Variants in PIAS2 observed in about 807,000 individuals in gnomAD.
PIAS2 encodes protein inhibitor of activated STAT 2.
PIAS2 carries 19 observed loss-of-function variants against 69.7 expected under a neutral mutation model. That is an observed-to-expected ratio of 0.27 (90% CI 0.19 to 0.40). PIAS2 has a LOEUF of 0.40. PIAS2 is among the 10% of genes least tolerant of loss of function. PIAS2 has a pLI of 1.00. For missense variants in PIAS2, 624 were observed against 757.0 expected, an observed-to-expected ratio of 0.82 and a Z score of 2.06; for synonymous variants, 261 against 263.2, an observed-to-expected ratio of 0.99 and a Z score of 0.08.
Position 46,807,138 on chromosome 18 carries a change from G to A in PIAS2, c.*5295C>T, listed in dbSNP as rs372673932. 4 of 151,592 alleles carry A rather than the reference G, an allele frequency of 2.6e-5. No homozygotes were observed. The South Asian group carries it at 8.3e-4, about 32-fold the overall frequency. The allele number at this position is 151,592 out of a possible 1,614,324, so 9.4% of individuals were successfully genotyped here. A position where few individuals can be genotyped will look rare whatever the true frequency, so the allele number is the denominator to read the frequency against. ...CTACTGGCTTTGGGGAGCTCAGAAA[G>A]GCCATAATGGGGCCTACAGGAAGAG... On this transcript the variant is annotated 3_prime_UTR_variant, in exon 14 of 14. Transcript: ENST00000585916.
intron 2 of PIAS2, among the ~76,000 whole-genome samples, chr18:46,883,303 T>A (rs1319186924): frequency 6.6e-6 from 1 of 152,162 alleles, no homozygotes; most frequent in Non-Finnish European, 1.5e-5. Flanking sequence ...CAAAGGTTCA[T>A]AAAACTTTGA....
In PIAS2 at chr18:46,864,036, A is replaced by G. The variant is rs2049052802; in HGVS notation, c.584+128T>C. 3 of 546,330 alleles carry G rather than the reference A, an allele frequency of 5.5e-6. No homozygotes were observed. In the South Asian group the frequency reaches 9.0e-5, roughly 16 times the overall value. The allele number at this position is 546,330 out of a possible 1,614,324, so 33.8% of individuals were successfully genotyped here. A position where few individuals can be genotyped will look rare whatever the true frequency, so the allele number is the denominator to read the frequency against. The stretch of plus-strand genomic sequence containing the variant: ...TGCCAAAACCTTGATCTTGGACAGA[A>G]GCCTCCAGCATTTTGAAAAACAAAA... On this transcript the variant is annotated intron_variant, in intron 3 of 13. Coordinates refer to ENST00000585916, the MANE Select transcript of PIAS2 (RefSeq NM_004671.5).
chr18:46,904,112 G>C (rs2056263825), intron 1 of PIAS2: 1 of 152,092 alleles, frequency 6.6e-6, no homozygotes, highest in African/African-American at 2.4e-5. Flanking sequence ...TTTGGAGAGA[G>C]GGATCCTTGT....
chr18:46,842,178 T>G (rs2045496453), intron 8 of PIAS2, among the ~76,000 whole-genome samples: 1 of 151,252 alleles, frequency 6.6e-6, no homozygotes, highest in Non-Finnish European at 1.5e-5. Context: ...GTGAGCTGTG[T>G]TCATGCTACT....
At chr18:46,918,781 C>G (rs1369580244), upstream of PIAS2, among the ~76,000 whole-genome samples, 1 of 152,100 alleles carries the variant, frequency 6.6e-6, no homozygotes, top group African/African-American at 2.4e-5. Context: ...ATTTCCCACT[C>G]TCTTCTTTGT....
intron 2 of PIAS2, among the ~76,000 whole-genome samples, chr18:46,888,493 A>G (rs2053553676): frequency 1.3e-5 from 2 of 152,220 alleles, no homozygotes; most frequent in African/African-American, 4.8e-5. Context: ...ATTCCAAGAC[A>G]TATTACATAG....
intron 9 of PIAS2, among the ~76,000 whole-genome samples, chr18:46,833,652 GA>G (rs2044004485): frequency 6.6e-6 from 1 of 152,184 alleles, no homozygotes; most frequent in Non-Finnish European, 1.5e-5. Flanking sequence ...GAACATGGCA[GA>G]ATGTATTATG....
intron 9 of PIAS2, among the ~76,000 whole-genome samples, chr18:46,830,605 A>G (rs1213392580): frequency 6.6e-6 from 1 of 152,100 alleles, no homozygotes; most frequent in Non-Finnish European, 1.5e-5. Context: ...GAAAAGAGAA[A>G]TAACAAAGAA....
intron 11 of PIAS2, among the ~76,000 whole-genome samples, chr18:46,822,997 G>A (rs2042343851): frequency 6.6e-6 from 1 of 151,762 alleles, no homozygotes; most frequent in Non-Finnish European, 1.5e-5. Context: ...CAGGTCTTTG[G>A]GAGGCCAAGG....
intron 5 of PIAS2, among the ~76,000 whole-genome samples, chr18:46,850,256 G>A (rs1298177448): frequency 1.3e-5 from 2 of 152,050 alleles, no homozygotes; most frequent in Non-Finnish European, 2.9e-5. Context: ...TTCTCCAGAT[G>A]TAGTTTAGTA....
At chr18:46,827,731 T>C (rs887151804) in intron 11 of PIAS2, 34 of 410,936 alleles carry the variant, frequency 8.3e-5, no homozygotes, top group Middle Eastern at 6.6e-4. Context: ...AAGTCTCAGG[T>C]AGGAAATAAA....
upstream of PIAS2, chr18:46,917,605 C>G (rs2058139080): frequency 2.0e-6 from 2 of 1,005,208 alleles, no homozygotes; most frequent in Admixed American, 5.7e-5. Flanking sequence ...CGCCTTCAGT[C>G]CGCGCGGCGA....
At chr18:46,888,003 G>T (rs935527575) in intron 2 of PIAS2, among the ~76,000 whole-genome samples, 6 of 152,068 alleles carry the variant, frequency 3.9e-5, no homozygotes, top group Non-Finnish European at 8.8e-5. Flanking sequence ...TAGAATAAAT[G>T]AATTCAGTAA....
intron 8 of PIAS2, among the ~76,000 whole-genome samples, chr18:46,838,576 G>A (rs2044805765): frequency 6.6e-6 from 1 of 152,192 alleles, no homozygotes; most frequent in Admixed American, 6.5e-5. Context: ...AAAAAGGTCA[G>A]AATAAAACCT....
chr18:46,891,122 T>C lies in PIAS2; in HGVS notation c.25-68A>G, dbSNP rs146543313. 4 of 1,130,548 alleles carry C rather than the reference T, an allele frequency of 3.5e-6. No homozygotes were observed. In the African/African-American group the frequency reaches 4.7e-5, roughly 13 times the overall value. The allele number at this position is 1,130,548 out of a possible 1,614,324, so 70.0% of individuals were successfully genotyped here. A position where few individuals can be genotyped will look rare whatever the true frequency, so the allele number is the denominator to read the frequency against. ...GCATACAAAAATCCTATCTAAAATATAATGTAAAATGTGATTTTTCCAGCA... is the reference window on the plus strand; with the variant it reads ...GCATACAAAAATCCTATCTAAAATACAATGTAAAATGTGATTTTTCCAGCA... On this transcript the variant is annotated intron_variant, in intron 1 of 13. Coordinates refer to ENST00000585916, the MANE Select transcript of PIAS2 (RefSeq NM_004671.5).
rs993446551 is a variant in PIAS2 at position 46,811,687 on chromosome 18, C to T, written c.*746G>A. 7.2e-5 allele frequency: 11 copies of T among 152,142 alleles called. No homozygotes were observed. Among genetic ancestry groups the T allele is most frequent in the African/African-American group, 2.7e-4 (11 of 41,436 alleles). The allele number at this position is 152,142 out of a possible 1,614,324, so 9.4% of individuals were successfully genotyped here. ...TACAATTACTAAAAACATAATAACA[C>T]ACTTTATGTCAGGGCAGAATCTGCA... On this transcript the variant is annotated 3_prime_UTR_variant, in exon 14 of 14. Coordinates refer to ENST00000585916, the MANE Select transcript of PIAS2 (RefSeq NM_004671.5).
intron 2 of PIAS2, among the ~76,000 whole-genome samples, chr18:46,865,286 T>A (rs1413745871): frequency 6.6e-6 from 1 of 152,114 alleles, no homozygotes; most frequent in Non-Finnish European, 1.5e-5. Context: ...ACACGTGTAA[T>A]CCCAGCACTC....
intron 1 of PIAS2, among the ~76,000 whole-genome samples, chr18:46,899,116 C>T (rs963827236): frequency 3.3e-5 from 5 of 151,270 alleles, no homozygotes; most frequent in African/African-American, 9.7e-5. Context: ...AAAATTCCAA[C>T]GACTGGTTAA....
intron 1 of PIAS2, among the ~76,000 whole-genome samples, chr18:46,911,463 G>A (rs2057261802): frequency 6.6e-6 from 1 of 151,996 alleles, no homozygotes; most frequent in African/African-American, 2.4e-5. Context: ...CGATCCGCCT[G>A]CCTGGGCCTC....
Sources: gnomAD v4.1 joint callset for allele counts (sites outside exome capture counted in the v4.1 genomes callset) on GRCh38, gnomAD v4.1.1 for gene constraint, MANE v1.5 for transcripts, NCBI Gene and HGNC (gene_info 2026-07-23, HGNC 2026-07-21) for gene names.